Variants in CSMD3 observed in about 807,000 individuals in gnomAD.
CSMD3 encodes CUB and Sushi multiple domains 3.
A neutral mutation model predicts 435.2 loss-of-function variants in CSMD3; 177 were observed. The ratio of observed to expected loss-of-function variants is 0.41; its 90% confidence interval spans 0.36 to 0.46. The LOEUF (loss-of-function observed/expected upper bound fraction) is 0.46. Among genes scored for constraint, CSMD3 ranks in the 20% least tolerant of loss-of-function variants. The probability of loss-of-function intolerance (pLI) is 0.34; values close to 1 mark genes in which losing one functional copy is unlikely to be tolerated. For missense variants in CSMD3, 4,265 were observed against 4,504.6 expected (o/e 0.95, Z 1.52); for synonymous variants, 1,656 against 1,520.5 (o/e 1.09, Z -2.07).
chr8:113,216,786 G>A (rs551158834), intron 3 of CSMD3, among the ~76,000 whole-genome samples: 2 of 151,984 alleles, frequency 1.3e-5, no homozygotes, highest in South Asian at 4.1e-4. Flanking sequence ...ACTGAAATGT[G>A]GGTTTGAGGA....
At chr8:113,097,213 A>T (rs2090191041) in intron 5 of CSMD3, among the ~76,000 whole-genome samples, 2 of 152,108 alleles carry the variant, frequency 1.3e-5, no homozygotes, top group African/African-American at 4.8e-5. Flanking sequence ...CCTTGGATGG[A>T]GAGTTGGATT....
chr8:112,838,956 G>T (rs1464602975), intron 11 of CSMD3, among the ~76,000 whole-genome samples: 3 of 151,682 alleles, frequency 2.0e-5, no homozygotes, highest in African/African-American at 7.3e-5. Context: ...TCATTTGAAA[G>T]TGATATCATT....
intron 31 of CSMD3, among the ~76,000 whole-genome samples, chr8:112,475,976 CATA>C (rs1453851644): frequency 6.6e-6 from 1 of 152,122 alleles, no homozygotes; most frequent in Non-Finnish European, 1.5e-5. Flanking sequence ...ATGCATTAAA[CATA>C]AGAACCCACT....
At chr8:113,054,719 A>G (rs145395876) in intron 5 of CSMD3, among the ~76,000 whole-genome samples, 2 of 152,132 alleles carry the variant, frequency 1.3e-5, no homozygotes, top group Non-Finnish European at 2.9e-5. Context: ...GCTTCCCTTT[A>G]AAGTGATACT....
At chr8:113,044,945 AACT>A (rs951425415) in intron 5 of CSMD3, among the ~76,000 whole-genome samples, 1 of 149,056 alleles carries the variant, frequency 6.7e-6, no homozygotes, top group African/African-American at 2.4e-5. Context: ...TGACTTGACA[AACT>A]ACTACTTATC....
At chr8:113,085,372 G>T (rs933973001) in intron 5 of CSMD3, among the ~76,000 whole-genome samples, 3 of 152,020 alleles carry the variant, frequency 2.0e-5, no homozygotes, top group African/African-American at 4.8e-5. Flanking sequence ...ACGGTATGAA[G>T]TTTCTCAAAA....
intron 7 of CSMD3, among the ~76,000 whole-genome samples, chr8:112,955,714 A>G (rs2083991302): frequency 6.6e-6 from 1 of 151,906 alleles, no homozygotes; most frequent in African/African-American, 2.4e-5. Context: ...CATGGTATAT[A>G]CAGGAAATAA....
intron 1 of CSMD3, among the ~76,000 whole-genome samples, chr8:113,381,068 T>C (rs1180497253): frequency 1.3e-5 from 2 of 152,206 alleles, no homozygotes; most frequent in Non-Finnish European, 1.5e-5. Flanking sequence ...ACAATGTTTC[T>C]TGACTTCAAA....
intron 5 of CSMD3, among the ~76,000 whole-genome samples, chr8:113,096,234 C>A (rs1181091038): frequency 6.6e-6 from 1 of 152,102 alleles, no homozygotes; most frequent in African/African-American, 2.4e-5. Context: ...TTAAGCTCCA[C>A]ATCATCCCTC....
At chr8:113,306,973 C>G (rs530682703) in intron 2 of CSMD3, among the ~76,000 whole-genome samples, 4 of 150,426 alleles carry the variant, frequency 2.7e-5, no homozygotes, top group Admixed American at 2.0e-4. Flanking sequence ...AATCCCTCAA[C>G]GTATCAAGAA....
Position 113,266,438 on chromosome 8 carries a change from C to T in CSMD3, c.514+12154G>A, listed in dbSNP as rs73701350. Among the ~76,000 whole-genome samples, 1,176 of 151,178 alleles carry T rather than the reference C, an allele frequency of 7.8e-3. 18 individuals are homozygous for T. The highest frequency in any genetic ancestry group is 0.027 in the African/African-American group (1,116 of 41,454). ...GTTCTAAATTATATTTTCTCATATCCATTTAAATCTAAGTGGAATCACAGC... is the reference window on the plus strand; with the variant it reads ...GTTCTAAATTATATTTTCTCATATCTATTTAAATCTAAGTGGAATCACAGC... On this transcript the variant is annotated intron_variant, in intron 3 of 70. Coordinates refer to ENST00000297405, the MANE Select transcript of CSMD3 (RefSeq NM_198123.2).
chr8:113,361,999 C>T (rs1323057657), intron 1 of CSMD3, among the ~76,000 whole-genome samples: 1 of 152,084 alleles, frequency 6.6e-6, no homozygotes, highest in Non-Finnish European at 1.5e-5. Flanking sequence ...GATCTATAAG[C>T]TCTGATTGGC....
At chr8:113,378,790 T>TGTGTGTGTGTGTGA (rs1206296218) in intron 1 of CSMD3, among the ~76,000 whole-genome samples, 1 of 151,710 alleles carries the variant, frequency 6.6e-6, no homozygotes, top group Non-Finnish European at 1.5e-5. Flanking sequence ...TGTGTGTGTG[T>TGTGTGTGTGTGTGA]GATTAATACT....
At chr8:112,350,962 A>C (rs1826085778) in intron 40 of CSMD3, among the ~76,000 whole-genome samples, 1 of 152,050 alleles carries the variant, frequency 6.6e-6, no homozygotes, top group Admixed American at 6.5e-5. Flanking sequence ...GAGGATAAAT[A>C]AAAATAAAAA....
Position 113,014,394 on chromosome 8 carries a change from C to G in CSMD3, c.1030+4673G>C, listed in dbSNP as rs1448625102. Among the ~76,000 whole-genome samples the G allele has an allele frequency of 2.0e-5, 3 of 152,096 alleles. No homozygotes were observed. The East Asian group carries it at 5.8e-4, about 29-fold the overall frequency. On this transcript the variant is annotated intron_variant, in intron 6 of 70. Coordinates refer to ENST00000297405, the MANE Select transcript of CSMD3 (RefSeq NM_198123.2). ...GTTCCATTTTAGTCCAACTGGCCATCATGCCTCATATGCCTACCGCTTGGT... is the reference window on the plus strand; with the variant it reads ...GTTCCATTTTAGTCCAACTGGCCATGATGCCTCATATGCCTACCGCTTGGT...
At chr8:112,875,866 C>T (rs2081267797) in intron 10 of CSMD3, among the ~76,000 whole-genome samples, 8 of 152,094 alleles carry the variant, frequency 5.3e-5, no homozygotes, top group Admixed American at 4.6e-4. Flanking sequence ...TTAGAATATG[C>T]TCCTTTAGCT....
chr8:113,054,894 C>G (rs2131340616), intron 5 of CSMD3, among the ~76,000 whole-genome samples: 1 of 152,184 alleles, frequency 6.6e-6, no homozygotes, highest in East Asian at 1.9e-4. Context: ...ACACTGTGCC[C>G]TAGATGTCTG....
chr8:112,358,505 G>C (rs1367034928), intron 38 of CSMD3, among the ~76,000 whole-genome samples: 2 of 152,158 alleles, frequency 1.3e-5, no homozygotes, highest in Non-Finnish European at 2.9e-5. Context: ...TGTATTGTGG[G>C]AGGAACCCAG....
At chr8:112,824,584 A>C (rs1447922702) in intron 12 of CSMD3, among the ~76,000 whole-genome samples, 3 of 152,172 alleles carry the variant, frequency 2.0e-5, no homozygotes, top group Non-Finnish European at 4.4e-5. Context: ...GCTGGAAATA[A>C]AATTCTGGAT....
Sources: allele counts gnomAD v4.1 joint callset (sites outside exome capture counted in the v4.1 genomes callset), GRCh38; gene constraint gnomAD v4.1.1; transcripts MANE v1.5; gene names NCBI Gene and HGNC (gene_info 2026-07-23, HGNC 2026-07-21).